The following TLN2 variants were observed in gnomAD, a reference collection of about 807,000 sequenced individuals.
TLN2 encodes talin-2.
Under a neutral mutation model 294.7 loss-of-function variants are expected in TLN2, and 118 were observed. The observed-to-expected ratio is 0.40, with a 90% CI of 0.34 to 0.47. The LOEUF (loss-of-function observed/expected upper bound fraction) is 0.47. Among genes scored for constraint, TLN2 ranks in the 20% least tolerant of loss-of-function variants. The pLI is 0.84. For missense variants in TLN2, 3,083 were observed against 3,282.2 expected (o/e 0.94, Z 1.48); for synonymous variants, 1,431 against 1,304.5 (o/e 1.10, Z -2.09).
intron 3 of TLN2, among the ~76,000 whole-genome samples, chr15:62,630,497 A>C (rs927195836): frequency 6.6e-6 from 1 of 152,188 alleles, no homozygotes; most frequent in Non-Finnish European, 1.5e-5. Context: ...AGAGGAGGAG[A>C]AGTGCCACAG....
chr15:62,585,826 C>T (rs578255944), intron 1 of TLN2, among the ~76,000 whole-genome samples: 2 of 152,270 alleles, frequency 1.3e-5, no homozygotes, highest in South Asian at 2.1e-4. Flanking sequence ...TGTTCTGTCT[C>T]AGCGTTCTCT....
rs531440282 is a variant in TLN2 at position 62,566,480 on chromosome 15, T to C, written c.-237-23207T>C. ...GTTCTAGGAATGTGGAGTAATTAAA[T>C]ATGGCCAGAAAATAGAGGGATGTGC... On this transcript the variant is annotated intron_variant, in intron 1 of 58. Coordinates refer to ENST00000636159, the MANE Select transcript of TLN2 (RefSeq NM_015059.3). 5.3e-5 allele frequency among the ~76,000 whole-genome samples: 8 copies of C among 152,014 alleles called. No homozygotes were observed. The East Asian group carries it at 1.2e-3, about 22-fold the overall frequency.
intron 54 of TLN2, among the ~76,000 whole-genome samples, chr15:62,825,817 AATATATAT>A (rs1485802660): frequency 4.5e-5 from 1 of 22,254 alleles, no homozygotes; most frequent in Non-Finnish European, 7.2e-5. Flanking sequence ...ATTATATTAT[AATATATAT>A]TATAATATAT....
At chr15:62,542,412 G>A (rs183107876) in intron 1 of TLN2, among the ~76,000 whole-genome samples, 7 of 152,192 alleles carry the variant, frequency 4.6e-5, no homozygotes, top group Admixed American at 2.6e-4. Flanking sequence ...GGATGGTCTC[G>A]ATCTCCTGAC....
chr15:62,815,474 G>T (rs954837559), intron 52 of TLN2, among the ~76,000 whole-genome samples: 2 of 152,196 alleles, frequency 1.3e-5, no homozygotes, highest in African/African-American at 4.8e-5. Flanking sequence ...TTTACAAAAA[G>T]GGAAAGAGAA....
Position 62,752,292 on chromosome 15 carries a change from G to A in TLN2, c.4210-13G>A, listed in dbSNP as rs192122730. 3.3e-3 allele frequency: 5,316 copies of A among 1,613,524 alleles called. 13 individuals are homozygous for A. The highest frequency in any genetic ancestry group is 3.9e-3 in the Non-Finnish European group (4,573 of 1,179,698). Reference sequence around the variant, plus strand: ...TGCTGGATAGAGAATGTTGCTGGCCGTTTGTTTTGCAGGTTCTGGGTGAAT... The same window carrying A: ...TGCTGGATAGAGAATGTTGCTGGCCATTTGTTTTGCAGGTTCTGGGTGAAT... On this transcript the variant is annotated splice_polypyrimidine_tract_variant and intron_variant, in intron 34 of 58. Transcript: ENST00000636159.
At chr15:62,426,587 C>T (rs2034725270) in intron 1 of TLN2, among the ~76,000 whole-genome samples, 1 of 152,204 alleles carries the variant, frequency 6.6e-6, no homozygotes, top group African/African-American at 2.4e-5. Flanking sequence ...GGGACTAAGC[C>T]TCAAGTATGG....
chr15:62,663,504 T>C (rs985310828), intron 9 of TLN2, among the ~76,000 whole-genome samples: 1 of 151,780 alleles, frequency 6.6e-6, no homozygotes, highest in Non-Finnish European at 1.5e-5. Context: ...TTGCAGGTGA[T>C]AGGATTATCT....
chr15:62,784,732 G>A (rs1177375151), intron 45 of TLN2: 1 of 152,176 alleles, frequency 6.6e-6, no homozygotes, highest in Admixed American at 6.5e-5. Flanking sequence ...TGGATTACAG[G>A]GACACTTAAA....
intron 1 of TLN2, among the ~76,000 whole-genome samples, chr15:62,449,037 A>G (rs189730990): frequency 1.6e-4 from 25 of 152,324 alleles, no homozygotes; most frequent in African/African-American, 5.3e-4. Context: ...GATGTGTAGT[A>G]AAAATGATAA....
chr15:62,698,937 G>T, intron 16 of TLN2, 70 bp downstream of exon 16: 2 of 1,401,414 alleles, frequency 1.4e-6, no homozygotes, highest in Non-Finnish European at 9.8e-7. Context: ...ATACTCTGTC[G>T]GGATTCATCT....
At chr15:62,412,714 G>T (rs938638130) in intron 1 of TLN2, among the ~76,000 whole-genome samples, 1 of 152,224 alleles carries the variant, frequency 6.6e-6, no homozygotes, top group Non-Finnish European at 1.5e-5. Flanking sequence ...GGCAGGATCA[G>T]ATGGAGTACA....
chr15:62,795,986 G>A (rs1169737896), intron 46 of TLN2, 141 bp from the exon 47 acceptor site: 13 of 1,089,778 alleles, frequency 1.2e-5, no homozygotes, highest in Non-Finnish European at 1.7e-5. Context: ...TATCCAGACT[G>A]AGGCCGTTGA....
chr15:62,640,732 T>G (rs1329653889), intron 3 of TLN2, among the ~76,000 whole-genome samples: 1 of 152,162 alleles, frequency 6.6e-6, no homozygotes, highest in Non-Finnish European at 1.5e-5. Flanking sequence ...AAGTTCTGTG[T>G]CTAGGAAAAG....
At chr15:62,442,162 C>G (rs115096705) in intron 1 of TLN2, among the ~76,000 whole-genome samples, 1,711 of 151,960 alleles carry the variant, frequency 0.011, 32 homozygotes, top group African/African-American at 0.039. Flanking sequence ...CCCGCCACCC[C>G]GACACCATGT....
At chr15:62,415,836 C>T (rs186343865) in intron 1 of TLN2, among the ~76,000 whole-genome samples, 28 of 152,318 alleles carry the variant, frequency 1.8e-4, no homozygotes, top group East Asian at 7.7e-4. Flanking sequence ...TTTAGGATCT[C>T]GGAGTTGTGG....
chr15:62,737,384 C>G (rs1042224126), intron 29 of TLN2, among the ~76,000 whole-genome samples: 1 of 152,152 alleles, frequency 6.6e-6, no homozygotes, highest in African/African-American at 2.4e-5. Flanking sequence ...TGTTTTGGGC[C>G]TATGTGTGCT....
intron 1 of TLN2, among the ~76,000 whole-genome samples, chr15:62,551,249 A>G (rs1018228928): frequency 1.3e-5 from 2 of 152,112 alleles, no homozygotes; most frequent in Non-Finnish European, 2.9e-5. Flanking sequence ...CTCACCACCT[A>G]CTGTGTGGCG....
At chr15:62,732,345 C>T (rs2060779109) in intron 28 of TLN2, among the ~76,000 whole-genome samples, 2 of 152,176 alleles carry the variant, frequency 1.3e-5, no homozygotes, top group South Asian at 2.1e-4. Context: ...TTGGCAGGCA[C>T]TGGAAGGCAG....
Sources: gnomAD v4.1 joint callset for allele counts (sites outside exome capture counted in the v4.1 genomes callset) on GRCh38, gnomAD v4.1.1 for gene constraint, MANE v1.5 for transcripts, NCBI Gene and HGNC (gene_info 2026-07-23, HGNC 2026-07-21) for gene names.